The following SART3 variants were observed in gnomAD, a reference collection of about 807,000 sequenced individuals.
SART3 encodes HIV-1 Tat-interacting protein of 110kDa.
In SART3, 44 loss-of-function variants were observed where a neutral mutation model predicts 122.3. That is an observed-to-expected ratio of 0.36 (90% CI 0.28 to 0.46). SART3 has a LOEUF of 0.46. Ranked by LOEUF, SART3 falls within the 20% of genes least tolerant of loss-of-function variation. The pLI is 1.00. For missense variants in SART3, 1,101 were observed against 1,229.0 expected, an observed-to-expected ratio of 0.90 and a Z score of 1.56; for synonymous variants, 442 against 454.0, an observed-to-expected ratio of 0.97 and a Z score of 0.34.
intron 3 of SART3, among the ~76,000 whole-genome samples, chr12:108,545,967 C>CA (rs367848748): frequency 0.34 from 36,619 of 108,778 alleles, 7,202 homozygotes; most frequent in Middle Eastern, 0.47. Flanking sequence ...GACTCTCTCT[C>CA]AAAAAAAAAA....
intron 3 of SART3, among the ~76,000 whole-genome samples, chr12:108,547,533 GT>G (rs1361597408): frequency 2.0e-5 from 3 of 152,054 alleles, no homozygotes; most frequent in Non-Finnish European, 4.4e-5. Context: ...AAATAAAAAG[GT>G]TTTCTTTTAA....
At chr12:108,559,651 C>A (rs970281155) in intron 1 of SART3, among the ~76,000 whole-genome samples, 1 of 108,156 alleles carries the variant, frequency 9.2e-6, no homozygotes, top group Admixed American at 1.3e-4. Flanking sequence ...GGTGACAGGG[C>A]GAGACTCTGT....
rs765300864 is a variant in SART3 at position 108,526,169 on chromosome 12, C to T, written c.2300G>A (p.Arg767Gln). 1.2e-6 allele frequency: 2 copies of T among 1,614,102 alleles called. No homozygotes were observed. Among genetic ancestry groups the T allele is most frequent in the East Asian group, 2.2e-5 (1 of 44,896 alleles). Residue 767 changes from arginine to glutamine, a missense_variant, in exon 16 of 19, where the codon CGG becomes CAG. Physicochemically the swap from Arg to Gln is conservative, Grantham distance 43. Around this residue, in one of 2 missense-constraint regions of SART3, gnomAD observed 885 missense variants for 1,080.1 expected, o/e 0.82. Transcript: ENST00000546815. ...CATTGGCCTCCCTTCTACACTTTTC[C>T]GGTCCATCTCCAGTGCCTGAAGGGC... Reference protein sequence around the residue: ...KSALQALEMDRKSVEGRPMFV... With the variant: ...KSALQALEMDQKSVEGRPMFV...
intron 4 of SART3, 198 bp from the exon 5 acceptor site, chr12:108,544,676 C>G: frequency 1.4e-6 from 1 of 728,288 alleles, no homozygotes; most frequent in Admixed American, 2.1e-5. Flanking sequence ...TGCAATCCTC[C>G]CACCTCAGAG....
chr12:108,529,599 C>T (rs917519954), intron 15 of SART3, among the ~76,000 whole-genome samples: 1 of 152,194 alleles, frequency 6.6e-6, no homozygotes, highest in African/African-American at 2.4e-5. Flanking sequence ...AAATAATTCT[C>T]AAAAGGGTCA....
chr12:108,533,029 A>G (rs889469356), intron 12 of SART3, among the ~76,000 whole-genome samples: 3 of 152,242 alleles, frequency 2.0e-5, no homozygotes, highest in Admixed American at 6.5e-5. Flanking sequence ...TCTGCTAATC[A>G]TAACTGTTAT....
At chr12:108,529,151 AAGAG>A (rs1164661275) in intron 15 of SART3, among the ~76,000 whole-genome samples, 1 of 152,254 alleles carries the variant, frequency 6.6e-6, no homozygotes, top group Non-Finnish European at 1.5e-5. Context: ...AAATTTTAAA[AAGAG>A]AGAGAAGGGC....
At chr12:108,549,323 C>A (rs2029895681) in intron 1 of SART3, 109 bp from the exon 2 acceptor site, 2 of 1,249,886 alleles carry the variant, frequency 1.6e-6, no homozygotes, top group Admixed American at 1.8e-5. Context: ...AATAAACGTG[C>A]TATCTGAGAA....
Position 108,532,215 on chromosome 12 carries a change from G to A in SART3, c.1669+7C>T, listed in dbSNP as rs779201431. The A allele has an allele frequency of 1.9e-6, 3 of 1,610,690 alleles. No individual in the cohort carries two copies. Among genetic ancestry groups the A allele is most frequent in the East Asian group, 4.5e-5 (2 of 44,870 alleles). On this transcript the variant is annotated splice_region_variant and intron_variant, in intron 13 of 18. Coordinates refer to ENST00000546815, the MANE Select transcript of SART3 (RefSeq NM_014706.4). ...GCTCCAAGCCAGAAGAGAGCTGGGG[G>A]TCCCACCTTCTGTCCTCTCCATGGT...
In SART3 at chr12:108,557,971, CT is replaced by C. The variant is rs551373377; in HGVS notation, c.312+2871del. ...TTCAGCTCAGGAATTCAGCACCTGC[CT>C]GGGCAACATAGTAAGAACCCATCTC... is the stretch of plus-strand genomic sequence containing the variant. On this transcript the variant is annotated intron_variant, in intron 1 of 18. Coordinates refer to ENST00000546815, the MANE Select transcript of SART3 (RefSeq NM_014706.4). 2.0e-5 allele frequency among the ~76,000 whole-genome samples: 3 copies of C among 152,142 alleles called. No homozygotes were observed. In the East Asian group the frequency reaches 5.8e-4, roughly 29 times the overall value.
intron 17 of SART3, chr12:108,524,732 C>CGGAA: frequency 1.7e-6 from 1 of 593,148 alleles, no homozygotes; most frequent in Middle Eastern, 4.5e-4. Flanking sequence ...CTTCAGATAA[C>CGGAA]CCTTCCAAGT....
chr12:108,531,139 C>T, intron 14 of SART3, 65 bp downstream of exon 14: 1 of 1,187,534 alleles, frequency 8.4e-7, no homozygotes, highest in Non-Finnish European at 1.3e-6. Context: ...TGACAAGAAA[C>T]ATCCATACCA....
chr12:108,552,750 A>C (rs371784831), intron 1 of SART3, among the ~76,000 whole-genome samples: 1 of 152,190 alleles, frequency 6.6e-6, no homozygotes, highest in African/African-American at 2.4e-5. Context: ...AACATAGTCA[A>C]GAAGTAAATT....
At chr12:108,527,762 T>G (rs1293396143) in intron 15 of SART3, among the ~76,000 whole-genome samples, 1 of 152,188 alleles carries the variant, frequency 6.6e-6, no homozygotes, top group Non-Finnish European at 1.5e-5. Context: ...GACAATTCTT[T>G]TTTTTGTTTT....
intron 1 of SART3, 165 bp downstream of exon 1, chr12:108,560,677 TG>T: frequency 3.4e-6 from 2 of 580,140 alleles, no homozygotes; most frequent in Middle Eastern, 6.6e-4. Flanking sequence ...TGCAAGGCAA[TG>T]GGCAGGCAGT....
Position 108,525,513 on chromosome 12 carries a change from C to A in SART3, c.2467G>T (p.Ala823Ser). Residue 823 changes from alanine to serine, a missense_variant, in exon 17 of 19, where the codon GCT (alanine) becomes TCT (serine). Physicochemically the swap from Ala to Ser is moderately conservative, Grantham distance 99 (BLOSUM62 1). Coordinates refer to ENST00000546815, the MANE Select transcript of SART3 (RefSeq NM_014706.4). ...TKEELEEICK[A>S]HGTVKDLRLV... ...CTGAGGTCCTTCACGGTGCCATGAG[C>A]CTTACAGATTTCTTCTAGTTCCTCT... The A allele has an allele frequency of 9.3e-6, 15 of 1,614,146 alleles. No individual in the cohort carries two copies. Among genetic ancestry groups the A allele is most frequent in the Non-Finnish European group, 1.3e-5 (15 of 1,180,022 alleles).
rs775387913 is a variant in SART3 at position 108,523,622 on chromosome 12, T to C, written c.2727A>G (p.Gly909=). ...LPQTYGARGK[G]RTQLSLLPRA... is the part of the protein sequence containing the mutation. ...GAGGCAGTAGAGACAGCTGCGTCCTTCCCTTCCCCCTCCTAAAAGAGCAAA... is the reference window on the plus strand; with the variant it reads ...GAGGCAGTAGAGACAGCTGCGTCCTCCCCTTCCCCCTCCTAAAAGAGCAAA... The change falls in exon 19 of 19, where the codon GGA becomes GGG. Residue 909 remains glycine (G), a synonymous_variant. Coordinates refer to ENST00000546815, the MANE Select transcript of SART3 (RefSeq NM_014706.4). 1.2e-6 allele frequency: 2 copies of C among 1,613,932 alleles called. No homozygotes were observed.
rs931519897 is a variant in SART3, at chr12:108,526,703, G to A, written c.1916-150C>T. On this transcript the variant is annotated intron_variant, in intron 15 of 18. Coordinates refer to ENST00000546815, the MANE Select transcript of SART3 (RefSeq NM_014706.4). ...GGAGGGGCAAGCACCACCCCGAGAA[G>A]TCTTTTGTGATCCGCCTGACCTGTC... is the stretch of plus-strand genomic sequence containing the variant. 8.3e-5 allele frequency: 71 copies of A among 850,582 alleles called. 1 individual carries two copies. The South Asian group carries it at 9.0e-4, about 11-fold the overall frequency. The allele number at this position is 850,582 out of a possible 1,614,324, so 52.7% of individuals were successfully genotyped here.
At chr12:108,529,920 A>G (rs11830942) in intron 15 of SART3, among the ~76,000 whole-genome samples, 63 of 152,316 alleles carry the variant, frequency 4.1e-4, no homozygotes, top group African/African-American at 1.5e-3. Flanking sequence ...CATTATCAGG[A>G]TAAATGGGAA....
Sources: allele counts gnomAD v4.1 joint callset (sites outside exome capture counted in the v4.1 genomes callset), GRCh38; gene constraint gnomAD v4.1.1; regional missense constraint gnomAD v4.1.1; transcripts MANE v1.5; gene names NCBI Gene and HGNC (gene_info 2026-07-23, HGNC 2026-07-21).